The following GDAP1 variants were observed in gnomAD, a reference collection of about 807,000 sequenced individuals.
GDAP1 encodes the protein ganglioside induced differentiation associated protein 1.
A neutral mutation model predicts 40.1 loss-of-function variants in GDAP1; 34 were observed. The observed-to-expected ratio is 0.85, with a 90% confidence interval of 0.64 to 1.13. GDAP1 has a LOEUF of 1.13. Ranked by LOEUF, GDAP1 falls within the 50% of genes most tolerant of loss-of-function variation. The probability of loss-of-function intolerance (pLI) is 0.00; values close to 1 mark genes in which losing one functional copy is unlikely to be tolerated. For synonymous variants in GDAP1, 170 were observed against 157.4 expected, an observed-to-expected ratio of 1.08 and a Z score of -0.60; for missense variants, 374 against 433.7, an observed-to-expected ratio of 0.86 and a Z score of 1.22.
chr8:74,454,931 T>C (rs1350001921), intron 2 of GDAP1, among the ~76,000 whole-genome samples: 1 of 151,992 alleles, frequency 6.6e-6, no homozygotes, highest in South Asian at 2.1e-4. Context: ...AGTGTTTTGT[T>C]CTTAAGATTC....
intron 2 of GDAP1, among the ~76,000 whole-genome samples, chr8:74,477,501 T>C (rs1806646566): frequency 6.6e-6 from 1 of 152,080 alleles, no homozygotes. Context: ...CTTGGGGGTT[T>C]GTGGTATAAA....
At chr8:74,459,312 C>T (rs1806372437) in intron 2 of GDAP1, among the ~76,000 whole-genome samples, 2 of 152,162 alleles carry the variant, frequency 1.3e-5, no homozygotes, top group Admixed American at 6.5e-5. Flanking sequence ...AGGGAGCTGG[C>T]AGGATATAGA....
At chr8:74,381,065 G>T (rs902560478) in intron 2 of GDAP1, among the ~76,000 whole-genome samples, 23 of 140,166 alleles carry the variant, frequency 1.6e-4, no homozygotes, top group Non-Finnish European at 3.4e-4. Flanking sequence ...GAAATGTGGG[G>T]GTGAGGGATG....
In GDAP1 at chr8:74,360,209, T is replaced by C; in HGVS notation, c.383T>C (p.Leu128Pro). 6.2e-7 allele frequency: 1 copy of C among 1,613,570 alleles called. No individual in the cohort carries two copies. The highest frequency in any genetic ancestry group is 1.1e-5 in the South Asian group (1 of 91,074). The change falls in exon 3 of 6, where the codon CTT becomes CCT. Residue 128 changes from leucine to proline, a missense_variant. Coordinates refer to ENST00000220822, the MANE Select transcript of GDAP1 (RefSeq NM_018972.4). Reference protein sequence around the residue: ...YPRVQHYRELLDSLPMDAYTH... With the variant: ...YPRVQHYRELPDSLPMDAYTH... ...CGGGTACAACATTACCGAGAGCTGC[T>C]TGACTCCTTGCCAATGGATGCCTAT...
chr8:74,435,143 T>C (rs1419699694), intron 2 of GDAP1, among the ~76,000 whole-genome samples: 1 of 152,230 alleles, frequency 6.6e-6, no homozygotes, highest in East Asian at 1.9e-4. Flanking sequence ...GGAAATGACT[T>C]CTTAGAAATC....
intron 2 of GDAP1, among the ~76,000 whole-genome samples, chr8:74,474,910 T>C (rs1220215006): frequency 6.6e-6 from 1 of 152,166 alleles, no homozygotes; most frequent in Non-Finnish European, 1.5e-5. Context: ...TGTGAATCCA[T>C]CTGGTCCTGG....
intron 2 of GDAP1, among the ~76,000 whole-genome samples, chr8:74,425,561 C>T (rs920082986): frequency 3.3e-5 from 5 of 152,080 alleles, no homozygotes; most frequent in African/African-American, 9.7e-5. Flanking sequence ...TGGGAGGAAG[C>T]GGGGCAAACT....
At chr8:74,465,428 G>A (rs1347715117) in intron 2 of GDAP1, among the ~76,000 whole-genome samples, 4 of 151,838 alleles carry the variant, frequency 2.6e-5, no homozygotes, top group Non-Finnish European at 5.9e-5. Context: ...AGTACTGCTG[G>A]TCTCCCTTCC....
chr8:74,366,652 T>C lies in GDAP1; in HGVS notation c.*2285T>C, dbSNP rs1809651914. The C allele has an allele frequency of 2.2e-6, 1 of 453,690 alleles. No homozygotes were observed. The highest frequency in any genetic ancestry group is 4.4e-6 in the Non-Finnish European group (1 of 226,664). 28.1% of individuals were successfully genotyped at this position (453,690 alleles called of 1,614,324 possible). The stretch of plus-strand genomic sequence containing the variant: ...GTACTAAAGTTATGTTGGCTTTTTG[T>C]GTCTTAACACACATAAATACTATTG... On this transcript the variant is annotated 3_prime_UTR_variant, in exon 6 of 6. Coordinates refer to ENST00000220822, the MANE Select transcript of GDAP1 (RefSeq NM_018972.4).
chr8:74,386,036 G>C (rs1408462649), intron 2 of GDAP1, among the ~76,000 whole-genome samples: 1 of 152,056 alleles, frequency 6.6e-6, no homozygotes, highest in Non-Finnish European at 1.5e-5. Context: ...TGATGGGGTT[G>C]TTTGTGTTTT....
chr8:74,448,437 G>A lies in GDAP1; in HGVS notation c.166-40241G>A, dbSNP rs1806259453. Among the ~76,000 whole-genome samples the A allele has an allele frequency of 4.6e-5, 7 of 152,052 alleles. No homozygotes were observed. The South Asian group carries it at 1.4e-3, about 31-fold the overall frequency. ...TTAGTTTTGGTAGTTTTGAAAGAAA[G>A]CTGTGATGCATGTTCTTTTTTTGGA... On this transcript the variant is annotated intron_variant, in intron 2 of 2. Transcript: ENST00000523640.
At position 74,477,426 on chromosome 8, in the gene GDAP1, T is replaced by C. The variant is rs1276946169; in HGVS notation, c.166-11252T>C. The stretch of plus-strand genomic sequence containing the variant: ...GTTCTTTCTCATCTTTGTGGGCTAA[T>C]ATTCCTTCAATCTTTGAAGTTGCTG... On this transcript the variant is annotated intron_variant, in intron 2 of 2. Transcript: ENST00000523640. 2.0e-5 allele frequency among the ~76,000 whole-genome samples: 3 copies of C among 152,186 alleles called. No homozygotes were observed. In the East Asian group the frequency reaches 5.8e-4, roughly 29 times the overall value.
At chr8:74,350,882 G>T (rs561415535) in intron 1 of GDAP1, among the ~76,000 whole-genome samples, 77 of 152,278 alleles carry the variant, frequency 5.1e-4, no homozygotes, top group African/African-American at 1.8e-3. Context: ...GCAGAGGGAG[G>T]TGCCTTTGTG....
intron 2 of GDAP1, among the ~76,000 whole-genome samples, chr8:74,471,705 T>TA (rs1354247186): frequency 6.6e-6 from 1 of 152,194 alleles, no homozygotes; most frequent in Non-Finnish European, 1.5e-5. Context: ...TAACCACTGA[T>TA]ATACTGCTTG....
intron 2 of GDAP1, among the ~76,000 whole-genome samples, chr8:74,456,914 G>C (rs1211514133): frequency 4.6e-5 from 7 of 152,024 alleles, no homozygotes; most frequent in African/African-American, 1.4e-4. Context: ...AAGGAAATTT[G>C]TGGCTTTTTT....
chr8:74,425,298 G>A (rs1242829633), intron 2 of GDAP1, among the ~76,000 whole-genome samples: 1 of 152,134 alleles, frequency 6.6e-6, no homozygotes, highest in Non-Finnish European at 1.5e-5. Flanking sequence ...TTGTTACTTG[G>A]TCTAGAAAGT....
chr8:74,370,835 A>C (rs1809736333), downstream of GDAP1, among the ~76,000 whole-genome samples: 1 of 152,264 alleles, frequency 6.6e-6, no homozygotes, highest in African/African-American at 2.4e-5. Flanking sequence ...TGGCCATATT[A>C]ATTTCAGAAA....
Position 74,364,890 on chromosome 8 carries a change from A to G in GDAP1, c.*523A>G, listed in dbSNP as rs549207550. The G allele has an allele frequency of 8.8e-6, 4 of 454,156 alleles. No homozygotes were observed. Among genetic ancestry groups the G allele is most frequent in the African/African-American group, 2.0e-5 (1 of 50,132 alleles). The allele number at this position is 454,156 out of a possible 1,614,324, so 28.1% of individuals were successfully genotyped here. On this transcript the variant is annotated 3_prime_UTR_variant, in exon 6 of 6. Transcript: ENST00000220822. ...CTTTAGTAAGATTAAGTGCTTATAT[A>G]CTAGAAATTTGATGCTCATTGGAAC...
intron 2 of GDAP1, among the ~76,000 whole-genome samples, chr8:74,485,188 GACA>G (rs545432264): frequency 1.3e-4 from 20 of 152,166 alleles, no homozygotes; most frequent in African/African-American, 4.3e-4. Flanking sequence ...ATTAAAAACT[GACA>G]ACAATTCCCA....
Sources: allele counts gnomAD v4.1 joint callset (sites outside exome capture counted in the v4.1 genomes callset), GRCh38; gene constraint gnomAD v4.1.1; transcripts MANE v1.5; gene names NCBI Gene and HGNC (gene_info 2026-07-23, HGNC 2026-07-21).